Variants in SGK1 observed in about 807,000 individuals in gnomAD.
SGK1 encodes the protein serine/threonine-protein kinase Sgk1.
In SGK1, 26 loss-of-function variants were observed where a neutral mutation model predicts 64.2. The observed-to-expected ratio is 0.40, with a 90% CI of 0.30 to 0.56. The LOEUF (loss-of-function observed/expected upper bound fraction) is 0.56, where lower values mean the gene tolerates loss of function less well. Ranked by LOEUF, SGK1 falls within the 20% of genes least tolerant of loss-of-function variation. SGK1 has a pLI of 0.38. For synonymous variants in SGK1, 265 were observed against 239.7 expected (o/e 1.11, Z -0.98); for missense variants, 519 against 645.6 (o/e 0.80, Z 2.12).
intron 2 of SGK1, among the ~76,000 whole-genome samples, chr6:134,254,496 G>A (rs576550685): frequency 3.9e-5 from 6 of 152,248 alleles, no homozygotes; most frequent in South Asian, 4.2e-4. Flanking sequence ...CACTTTCTAC[G>A]AGTGAGGCTC....
Position 134,171,640 on chromosome 6 carries a change from G to A in SGK1, c.1164C>T (p.Gly388=), listed in dbSNP as rs1562236494. 6.2e-7 allele frequency: 1 copy of A among 1,609,812 alleles called. No individual in the cohort carries two copies. The highest frequency in any genetic ancestry group is 2.2e-5 in the East Asian group (1 of 44,860). The change falls in exon 11 of 14, where the codon GGC becomes GGT. Residue 388 remains glycine (G), a synonymous_variant. Coordinates refer to ENST00000367858, the MANE Select transcript of SGK1 (RefSeq NM_001143676.3). ...LGAVLYEMLY[G]LPPFYSRNTA... ...TGGTTCCCAATGTGCCACTCACCAG[G>A]CCATACAGCATCTCATACAAGACAG...
At chr6:134,291,036 T>C (rs1004783750) in intron 1 of SGK1, among the ~76,000 whole-genome samples, 1 of 152,162 alleles carries the variant, frequency 6.6e-6, no homozygotes. Flanking sequence ...CTGAGGGCCT[T>C]GGGTGCCACA....
intron 2 of SGK1, among the ~76,000 whole-genome samples, chr6:134,208,163 C>T (rs868550706): frequency 2.0e-5 from 3 of 152,250 alleles, no homozygotes; most frequent in Non-Finnish European, 2.9e-5. Context: ...CCGCCCACCT[C>T]GGCCTCTCAA....
chr6:134,242,855 T>C (rs965522732), intron 2 of SGK1, among the ~76,000 whole-genome samples: 5 of 152,132 alleles, frequency 3.3e-5, no homozygotes, highest in Admixed American at 6.5e-5. Flanking sequence ...AACTAATGGT[T>C]AAAAAACAAA....
At chr6:134,237,118 G>A (rs1043172461) in intron 2 of SGK1, among the ~76,000 whole-genome samples, 2 of 149,182 alleles carry the variant, frequency 1.3e-5, no homozygotes, top group African/African-American at 2.5e-5. Flanking sequence ...GCAGTGGCGC[G>A]ATCTCAGCTC....
At chr6:134,175,002 C>T (rs1381353741) in intron 3 of SGK1, 1 of 1,156,778 alleles carries the variant, frequency 8.6e-7, no homozygotes, top group Non-Finnish European at 1.2e-6. Flanking sequence ...GGCGGCTACG[C>T]TGCCTGCGGC....
chr6:134,181,394 G>A (rs949678398), intron 3 of SGK1, among the ~76,000 whole-genome samples: 1 of 151,914 alleles, frequency 6.6e-6, no homozygotes, highest in African/African-American at 2.4e-5. Flanking sequence ...GCCCAGACTG[G>A]AGTGCAGTGG....
rs999544659 is a variant in SGK1 at position 134,269,671 on chromosome 6, A to AG, written c.70-7524_70-7523insC. ...AGACTCTGTCTCAAAAAAAAAAAAA[A>AG]AGAGAGAGAGAAAGTAAGAGACCTG... On this transcript the variant is annotated intron_variant, in intron 1 of 13. Transcript: ENST00000367858. Among the ~76,000 whole-genome samples, 31 of 146,650 alleles carry AG rather than the reference A, an allele frequency of 2.1e-4. 4 individuals carry two copies. Among genetic ancestry groups the AG allele is most frequent in the Middle Eastern group, 3.4e-3 (1 of 294 alleles).
intron 3 of SGK1, among the ~76,000 whole-genome samples, chr6:134,190,879 G>A (rs1473224573): frequency 6.6e-6 from 1 of 152,210 alleles, no homozygotes; most frequent in Admixed American, 6.5e-5. Context: ...AGGAATAATA[G>A]TAAGTGTCTA....
chr6:134,189,942 C>A (rs570715014), intron 3 of SGK1, among the ~76,000 whole-genome samples: 1 of 151,832 alleles, frequency 6.6e-6, no homozygotes, highest in African/African-American at 2.4e-5. Flanking sequence ...CTCCGCCTTC[C>A]GGATTCAAGT....
At chr6:134,256,357 AGTGTGTGTGTGTCT>A (rs1294086325) in intron 2 of SGK1, among the ~76,000 whole-genome samples, 1 of 151,876 alleles carries the variant, frequency 6.6e-6, no homozygotes, top group Admixed American at 6.6e-5. Context: ...TATAAGCTAA[AGTGTGTGTGTGTCT>A]GTGTGTGTGT....
chr6:134,234,433 A>C (rs1776333712), intron 2 of SGK1, among the ~76,000 whole-genome samples: 2 of 152,240 alleles, frequency 1.3e-5, no homozygotes, highest in South Asian at 4.1e-4. Flanking sequence ...CAAATAAAAA[A>C]CCAATACATT....
chr6:134,250,646 G>A (rs1303794837), intron 2 of SGK1, among the ~76,000 whole-genome samples: 1 of 152,182 alleles, frequency 6.6e-6, no homozygotes, highest in Admixed American at 6.5e-5. Flanking sequence ...GATATTAATG[G>A]TTTGTATTTC....
chr6:134,235,300 A>C (rs1454861302), intron 2 of SGK1, among the ~76,000 whole-genome samples: 2 of 152,162 alleles, frequency 1.3e-5, no homozygotes, highest in Non-Finnish European at 2.9e-5. Context: ...CATCGCTTCC[A>C]GGGCTAAGAT....
intron 5 of SGK1, 73 bp from the exon 6 acceptor site, chr6:134,173,639 A>T: frequency 9.8e-7 from 1 of 1,024,356 alleles, no homozygotes; most frequent in Non-Finnish European, 1.4e-6. Flanking sequence ...TAAACGATGT[A>T]GAAAATGTTA....
intron 2 of SGK1, among the ~76,000 whole-genome samples, chr6:134,223,224 C>T (rs1230560182): frequency 2.6e-5 from 4 of 151,624 alleles, no homozygotes; most frequent in Non-Finnish European, 4.4e-5. Flanking sequence ...CAAAATTAGC[C>T]GGGCGTGGTG....
At chr6:134,314,800 T>G (rs996524917) in intron 1 of SGK1, among the ~76,000 whole-genome samples, 36 of 152,034 alleles carry the variant, frequency 2.4e-4, no homozygotes, top group South Asian at 4.1e-4. Flanking sequence ...TGGTTTTTTT[T>G]TTTTTTTTTC....
intron 3 of SGK1, among the ~76,000 whole-genome samples, chr6:134,187,352 C>T (rs1214491614): frequency 6.6e-6 from 1 of 152,130 alleles, no homozygotes; most frequent in African/African-American, 2.4e-5. Context: ...ATCATAAAGT[C>T]GTGGGAACAG....
chr6:134,231,836 T>C (rs1162033372), intron 2 of SGK1, among the ~76,000 whole-genome samples: 1 of 151,658 alleles, frequency 6.6e-6, no homozygotes, highest in African/African-American at 2.4e-5. Context: ...GGTCAGGAGT[T>C]GAAGACCAGC....
Sources: gnomAD v4.1 joint callset for allele counts (sites outside exome capture counted in the v4.1 genomes callset) on GRCh38, gnomAD v4.1.1 for gene constraint, MANE v1.5 for transcripts, NCBI Gene and HGNC (gene_info 2026-07-23, HGNC 2026-07-21) for gene names.